CSMD1: variants seen among roughly 807,000 people sequenced by gnomAD.
CSMD1 encodes CUB and sushi domain-containing protein 1.
A neutral mutation model predicts 417.5 loss-of-function variants in CSMD1; 213 were observed. That is an observed-to-expected ratio of 0.51 (90% CI 0.46 to 0.57). The LOEUF (loss-of-function observed/expected upper bound fraction) is 0.57, where lower values mean the gene tolerates loss of function less well. Ranked by LOEUF, CSMD1 falls within the 20% of genes least tolerant of loss-of-function variation. The pLI, the probability that CSMD1 is intolerant of heterozygous loss-of-function variation, is 0.00. For missense variants in CSMD1, 6,923 were observed against 4,529.7 expected, an observed-to-expected ratio of 1.53 and a Z score of -15.17; for synonymous variants, 2,862 against 1,736.8, an observed-to-expected ratio of 1.65 and a Z score of -16.11.
At chr8:4,562,731 C>CAG (rs779978057) in intron 2 of CSMD1, among the ~76,000 whole-genome samples, 23 of 152,182 alleles carry the variant, frequency 1.5e-4, no homozygotes, top group Non-Finnish European at 2.8e-4. Context: ...CACTGACCTT[C>CAG]AGACAGATGC....
chr8:4,327,584 C>T (rs892220417), intron 3 of CSMD1, among the ~76,000 whole-genome samples: 2 of 152,036 alleles, frequency 1.3e-5, no homozygotes, highest in African/African-American at 4.8e-5. Context: ...GTCACTCATA[C>T]TACAAAGATG....
chr8:4,771,585 T>G (rs769525866), intron 1 of CSMD1, among the ~76,000 whole-genome samples: 8 of 152,206 alleles, frequency 5.3e-5, no homozygotes, highest in Non-Finnish European at 7.3e-5. Flanking sequence ...AAATGGGATG[T>G]TGAAATATTG....
intron 5 of CSMD1, among the ~76,000 whole-genome samples, chr8:3,844,078 G>A (rs1277113053): frequency 1.3e-5 from 2 of 152,134 alleles, no homozygotes; most frequent in Middle Eastern, 6.8e-3. Flanking sequence ...CTCTCAACAA[G>A]GCCATCTAAA....
intron 37 of CSMD1, among the ~76,000 whole-genome samples, chr8:3,180,773 G>A (rs1821272076): frequency 6.6e-6 from 1 of 152,006 alleles, no homozygotes; most frequent in Non-Finnish European, 1.5e-5. Flanking sequence ...GAGATTACAG[G>A]CGCCCGTCAC....
chr8:4,747,045 C>T (rs1389045920), intron 1 of CSMD1, among the ~76,000 whole-genome samples: 1 of 152,126 alleles, frequency 6.6e-6, no homozygotes, highest in African/African-American at 2.4e-5. Flanking sequence ...GAGGGCCTCC[C>T]CACCAGAATG....
chr8:3,104,082 G>A (rs576046138), intron 46 of CSMD1, among the ~76,000 whole-genome samples: 6 of 152,160 alleles, frequency 3.9e-5, no homozygotes, highest in African/African-American at 7.2e-5. Context: ...TGATACATAC[G>A]TATGCCTTTC....
At chr8:2,960,939 G>GAGATATATATATAT (rs368123437) in intron 62 of CSMD1, among the ~76,000 whole-genome samples, 1 of 122,040 alleles carries the variant, frequency 8.2e-6, no homozygotes, top group Non-Finnish European at 1.7e-5. Context: ...TAGTAAGCAA[G>GAGATATATATATAT]ATATATATAT....
intron 1 of CSMD1, among the ~76,000 whole-genome samples, chr8:4,946,910 AAGAC>A (rs1225694668): frequency 4.6e-5 from 7 of 152,208 alleles, no homozygotes; most frequent in African/African-American, 1.4e-4. Context: ...TTCTTTTAGA[AAGAC>A]AGAGCATATG....
intron 15 of CSMD1, among the ~76,000 whole-genome samples, chr8:3,405,570 G>A (rs1179386172): frequency 6.6e-6 from 1 of 152,026 alleles, no homozygotes; most frequent in Non-Finnish European, 1.5e-5. Context: ...TGAAGATTGG[G>A]TACTTGCAGA....
intron 5 of CSMD1, among the ~76,000 whole-genome samples, chr8:3,875,329 G>C (rs1033493448): frequency 6.6e-6 from 1 of 152,136 alleles, no homozygotes; most frequent in African/African-American, 2.4e-5. Flanking sequence ...TGTTCTATTA[G>C]GTGAAGGAGA....
In CSMD1 at chr8:4,135,119, C is replaced by G. The variant is rs971863117; in HGVS notation, c.416-103020G>C. ...CATAATAAATAATTGCATAAATGTT[C>G]TTGACGCACACAAAATATTGTCATA... On this transcript the variant is annotated intron_variant, in intron 3 of 69. Coordinates refer to ENST00000635120, the MANE Select transcript of CSMD1 (RefSeq NM_033225.6). Among the ~76,000 whole-genome samples, 6 of 152,118 alleles carry G rather than the reference C, an allele frequency of 3.9e-5. No homozygotes were observed. The South Asian group carries it at 8.3e-4, about 21-fold the overall frequency.
intron 3 of CSMD1, among the ~76,000 whole-genome samples, chr8:4,082,381 C>A (rs532255181): frequency 6.6e-6 from 1 of 151,880 alleles, no homozygotes; most frequent in Admixed American, 6.6e-5. Context: ...TGAGTTCTGC[C>A]GAGCATTTAA....
At position 3,411,960 on chromosome 8, in the gene CSMD1, A is replaced by G. The variant is rs374542457; in HGVS notation, c.1562-2355T>C. On this transcript the variant is annotated intron_variant, in intron 12 of 69. Coordinates refer to ENST00000635120, the MANE Select transcript of CSMD1 (RefSeq NM_033225.6). ...TATATATGCACGTATATATACACGT[A>G]TATATGCACGTATATATACACGTAT... Among the ~76,000 whole-genome samples, 122 of 48,950 alleles carry G rather than the reference A, an allele frequency of 2.5e-3. 13 individuals are homozygous for G. The highest frequency in any genetic ancestry group is 6.6e-3 in the African/African-American group (89 of 13,550). The allele number at this position is 48,950 out of a possible 152,430, so 32.1% of individuals were successfully genotyped here.
At chr8:3,207,834 ACTT>A (rs1466845333) in intron 30 of CSMD1, among the ~76,000 whole-genome samples, 2 of 152,064 alleles carry the variant, frequency 1.3e-5, no homozygotes, top group African/African-American at 4.8e-5. Context: ...TCTCTAAAAC[ACTT>A]CTATTTAGGT....
At chr8:3,229,912 A>C in intron 27 of CSMD1, 128 bp downstream of exon 27, 1 of 654,200 alleles carries the variant, frequency 1.5e-6, no homozygotes, top group Non-Finnish European at 2.5e-6. Flanking sequence ...GGAGTCTCAG[A>C]GAGCCAGAGA....
At chr8:4,350,931 T>G (rs1801056679) in intron 3 of CSMD1, among the ~76,000 whole-genome samples, 1 of 152,208 alleles carries the variant, frequency 6.6e-6, no homozygotes, top group South Asian at 2.1e-4. Flanking sequence ...CCGCCTTCCT[T>G]GACACATACT....
At chr8:3,339,849 G>T (rs868171921) in intron 23 of CSMD1, among the ~76,000 whole-genome samples, 1 of 152,098 alleles carries the variant, frequency 6.6e-6, no homozygotes, top group South Asian at 2.1e-4. Flanking sequence ...GGCTCCATTG[G>T]ACATCATTAT....
At chr8:4,522,635 C>CTA (rs1803525371) in intron 2 of CSMD1, among the ~76,000 whole-genome samples, 1 of 152,120 alleles carries the variant, frequency 6.6e-6, no homozygotes, top group African/African-American at 2.4e-5. Flanking sequence ...CCCTTTCTGA[C>CTA]TATAGGTTCG....
intron 3 of CSMD1, among the ~76,000 whole-genome samples, chr8:4,400,058 G>T (rs117410777): frequency 6.6e-6 from 1 of 152,126 alleles, no homozygotes; most frequent in African/African-American, 2.4e-5. Flanking sequence ...CTTATGGACA[G>T]TATCAGCATG....
Sources: allele counts gnomAD v4.1 joint callset (sites outside exome capture counted in the v4.1 genomes callset), GRCh38; gene constraint gnomAD v4.1.1; transcripts MANE v1.5; gene names NCBI Gene and HGNC (gene_info 2026-07-23, HGNC 2026-07-21).